Variants in AGBL1 observed in about 807,000 individuals in gnomAD.
AGBL1 encodes cytosolic carboxypeptidase 4.
Under a neutral mutation model 118.9 loss-of-function variants are expected in AGBL1, and 130 were observed. That is an observed-to-expected ratio of 1.09 (90% CI 0.95 to 1.26). The LOEUF is 1.26. Among genes scored for constraint, AGBL1 ranks in the 50% most tolerant of loss-of-function variants. The pLI is 0.00. For missense variants in AGBL1, 1,584 were observed against 1,298.1 expected (o/e 1.22, Z -3.38); for synonymous variants, 555 against 478.9 (o/e 1.16, Z -2.08).
At chr15:86,242,352 A>G (rs1334999335) in intron 6 of AGBL1, among the ~76,000 whole-genome samples, 1 of 152,226 alleles carries the variant, frequency 6.6e-6, no homozygotes, top group Non-Finnish European at 1.5e-5. Flanking sequence ...TGTACCAGGC[A>G]TCGAGCCATC....
At chr15:86,478,863 C>T (rs559698519) in intron 18 of AGBL1, among the ~76,000 whole-genome samples, 29 of 152,098 alleles carry the variant, frequency 1.9e-4, no homozygotes, top group African/African-American at 5.5e-4. Flanking sequence ...CAAAACAGCA[C>T]GATACTGGTA....
At chr15:86,925,529 C>T (rs1486781777) in intron 23 of AGBL1, among the ~76,000 whole-genome samples, 2 of 152,048 alleles carry the variant, frequency 1.3e-5, no homozygotes, top group African/African-American at 4.8e-5. Flanking sequence ...TCAGTGCTCT[C>T]CTTTATATCT....
chr15:86,203,342 CA>C (rs1322493236), intron 5 of AGBL1, among the ~76,000 whole-genome samples: 3 of 152,124 alleles, frequency 2.0e-5, no homozygotes, highest in African/African-American at 7.2e-5. Flanking sequence ...GCTACCCTAC[CA>C]AAAATATATA....
chr15:86,774,598 G>T (rs59193596), intron 22 of AGBL1, among the ~76,000 whole-genome samples: 18,350 of 152,044 alleles, frequency 0.12, 1,281 homozygotes, highest in East Asian at 0.28. Flanking sequence ...CTCAGGGCAG[G>T]AAGCTCTAAG....
At chr15:86,656,310 A>C (rs1442944742) in intron 21 of AGBL1, among the ~76,000 whole-genome samples, 1 of 152,230 alleles carries the variant, frequency 6.6e-6, no homozygotes, top group African/African-American at 2.4e-5. Context: ...TTTGAGCAGA[A>C]CTAGCATTAT....
chr15:86,833,844 T>C (rs2079138581), intron 22 of AGBL1, among the ~76,000 whole-genome samples: 1 of 152,146 alleles, frequency 6.6e-6, no homozygotes, highest in African/African-American at 2.4e-5. Context: ...AAATAGAATT[T>C]ACACATCTCA....
At chr15:86,873,781 T>C (rs2079763845) in intron 22 of AGBL1, among the ~76,000 whole-genome samples, 1 of 152,204 alleles carries the variant, frequency 6.6e-6, no homozygotes, top group Non-Finnish European at 1.5e-5. Context: ...TATTTTGCTA[T>C]TGCTATCTGA....
chr15:86,976,117 GATCT>G (rs1453760025), intron 23 of AGBL1, among the ~76,000 whole-genome samples: 1 of 151,350 alleles, frequency 6.6e-6, no homozygotes, highest in African/African-American at 2.4e-5. Context: ...AAAAATTTTA[GATCT>G]ATCACATAGG....
chr15:86,889,704 T>C (rs746344238), intron 22 of AGBL1, among the ~76,000 whole-genome samples: 1 of 152,204 alleles, frequency 6.6e-6, no homozygotes, highest in Non-Finnish European at 1.5e-5. Flanking sequence ...GCTCCATCCA[T>C]GTCCCTGCAA....
intron 17 of AGBL1, among the ~76,000 whole-genome samples, chr15:86,356,044 A>T (rs1349120477): frequency 6.6e-6 from 1 of 152,192 alleles, no homozygotes; most frequent in Admixed American, 6.5e-5. Flanking sequence ...CTCCTTATGT[A>T]GTCAACAGAG....
intron 5 of AGBL1, among the ~76,000 whole-genome samples, chr15:86,170,083 A>G (rs955531887): frequency 3.9e-5 from 6 of 152,230 alleles, no homozygotes; most frequent in Non-Finnish European, 8.8e-5. Context: ...GAACTGAGAT[A>G]GATGTTATAA....
intron 24 of AGBL1, among the ~76,000 whole-genome samples, chr15:86,998,731 G>C (rs1366966235): frequency 2.0e-5 from 3 of 152,160 alleles, no homozygotes; most frequent in Non-Finnish European, 4.4e-5. Context: ...GCAAAGTAAG[G>C]CTTTGGTTGA....
intron 1 of AGBL1, among the ~76,000 whole-genome samples, chr15:86,094,173 A>G (rs767884764): frequency 6.6e-6 from 1 of 152,180 alleles, no homozygotes; most frequent in South Asian, 2.1e-4. Flanking sequence ...AATTGACACT[A>G]TAAAGTTTAA....
chr15:86,822,013 CCACAGTACCTGTTCAGTGTCCATGTGTG>C (rs1389013784), intron 22 of AGBL1, among the ~76,000 whole-genome samples: 3 of 152,146 alleles, frequency 2.0e-5, no homozygotes, highest in East Asian at 1.9e-4. Flanking sequence ...AGATACAGTG[CCACAGTACCTGTTCAGTGTCCATGTGTG>C]CACAGTACCT....
chr15:86,299,490 A>G (rs1263673306), intron 17 of AGBL1, among the ~76,000 whole-genome samples: 6 of 152,148 alleles, frequency 3.9e-5, no homozygotes, highest in Non-Finnish European at 7.4e-5. Context: ...TTTGCACAGC[A>G]GAACGGGAGT....
chr15:86,465,496 C>G (rs1567007060), intron 18 of AGBL1, among the ~76,000 whole-genome samples: 1 of 152,188 alleles, frequency 6.6e-6, no homozygotes. Context: ...CCGGGAAGAA[C>G]AGAGTCATAT....
rs1460136604 is a variant in AGBL1 at position 86,636,726 on chromosome 15, T to C, written c.2995-37547T>C. 1.4e-3 allele frequency among the ~76,000 whole-genome samples: 58 copies of C among 42,874 alleles called. 8 individuals are homozygous for C. The highest frequency in any genetic ancestry group is 6.1e-3 in the East Asian group (3 of 490). The allele number at this position is 42,874 out of a possible 152,430, so 28.1% of individuals were successfully genotyped here. ...TCATATATATATATATATATATATA[T>C]ATATATATATATATATATATATATA... On this transcript the variant is annotated intron_variant, in intron 21 of 22. Coordinates refer to ENST00000614907, the MANE Select transcript of AGBL1 (RefSeq NM_001386094.1).
chr15:86,404,346 T>A (rs986710989), intron 18 of AGBL1, among the ~76,000 whole-genome samples: 1 of 152,198 alleles, frequency 6.6e-6, no homozygotes, highest in Non-Finnish European at 1.5e-5. Flanking sequence ...AGCTTTTGGC[T>A]GCAAACACCT....
At chr15:86,808,282 T>C (rs1333444657) in intron 22 of AGBL1, among the ~76,000 whole-genome samples, 1 of 152,142 alleles carries the variant, frequency 6.6e-6, no homozygotes, top group African/African-American at 2.4e-5. Context: ...GCCTTTCCTG[T>C]AGAGAAGATG....
Sources: allele counts gnomAD v4.1 joint callset (sites outside exome capture counted in the v4.1 genomes callset), GRCh38; gene constraint gnomAD v4.1.1; transcripts MANE v1.5; gene names NCBI Gene and HGNC (gene_info 2026-07-23, HGNC 2026-07-21).